The following PDE1C variants were observed in gnomAD, a reference collection of about 807,000 sequenced individuals.
PDE1C encodes dual specificity calcium/calmodulin-dependent 3',5'-cyclic nucleotide phosphodiesterase 1C.
PDE1C carries 62 observed loss-of-function variants against 93.1 expected under a neutral mutation model. The observed-to-expected ratio is 0.67, with a 90% CI of 0.54 to 0.82. PDE1C has a LOEUF of 0.82. Ranked by LOEUF, PDE1C falls within the 40% of genes least tolerant of loss-of-function variation. The probability of loss-of-function intolerance (pLI) is 0.00; values close to 1 mark genes in which losing one functional copy is unlikely to be tolerated. For missense variants in PDE1C, 742 were observed against 884.6 expected, an observed-to-expected ratio of 0.84 and a Z score of 2.04; for synonymous variants, 325 against 310.1, an observed-to-expected ratio of 1.05 and a Z score of -0.50.
the PDE1C span, among the ~76,000 whole-genome samples, chr7:31,692,039 G>GA: frequency 6.6e-6 from 1 of 152,054 alleles, no homozygotes; most frequent in South Asian, 2.1e-4. Context: ...GAACTCAACA[G>GA]AAAAAACATA....
intron 16 of PDE1C, chr7:31,786,068 T>C (rs1783900710): frequency 6.6e-6 from 1 of 152,248 alleles, no homozygotes; most frequent in South Asian, 2.1e-4. Context: ...AACTTTGCCA[T>C]GGTTTGGTGC....
chr7:31,630,931 TAGGATG>T, the PDE1C span, among the ~76,000 whole-genome samples: 1 of 152,026 alleles, frequency 6.6e-6, no homozygotes, highest in African/African-American at 2.4e-5. Context: ...AGACCAAAGC[TAGGATG>T]AGAGGTAGAA....
chr7:32,394,724 G>A (rs1784811254), intron 1 of PDE1C, among the ~76,000 whole-genome samples: 1 of 152,186 alleles, frequency 6.6e-6, no homozygotes, highest in Non-Finnish European at 1.5e-5. Flanking sequence ...GGAGGTGGAA[G>A]GATAGCTTGA....
At chr7:32,170,048 G>A (rs1345634078) in intron 2 of PDE1C, 1 of 1,127,734 alleles carries the variant, frequency 8.9e-7, no homozygotes, top group East Asian at 2.4e-5. Flanking sequence ...CCAAAGCAGA[G>A]CAGGGAAATT....
rs142968129 is a variant in PDE1C at position 31,809,001 on chromosome 7, G to A, written c.1891+30C>T. On this transcript the variant is annotated intron_variant, in intron 16 of 17. Coordinates refer to ENST00000396191, the MANE Select transcript of PDE1C (RefSeq NM_001191057.4). ...GCTTACATTAAACTGCACATTTTAT[G>A]GAAAAATGTAATGAGAATAATACTC... The A allele has an allele frequency of 3.1e-6, 4 of 1,293,884 alleles. No homozygotes were observed. The African/African-American group carries it at 5.8e-5, about 19-fold the overall frequency. 80.2% of individuals were successfully genotyped at this position (1,293,884 alleles called of 1,614,324 possible).
At chr7:31,720,287 C>G in the PDE1C span, among the ~76,000 whole-genome samples, 1 of 152,074 alleles carries the variant, frequency 6.6e-6, no homozygotes, top group African/African-American at 2.4e-5. Context: ...TTACCGCCCC[C>G]CTCAACCACT....
At chr7:32,354,502 A>C (rs1295120220) in intron 1 of PDE1C, among the ~76,000 whole-genome samples, 4 of 152,184 alleles carry the variant, frequency 2.6e-5, no homozygotes, top group Admixed American at 1.3e-4. Flanking sequence ...ATGGTGATGC[A>C]TACCTGTACT....
intron 2 of PDE1C, among the ~76,000 whole-genome samples, chr7:31,981,348 T>A (rs1051257614): frequency 5.3e-5 from 8 of 152,196 alleles, no homozygotes; most frequent in Non-Finnish European, 8.8e-5. Flanking sequence ...TTTATAGAAT[T>A]TGAGGTTTGG....
chr7:31,738,202 C>T, the PDE1C span, among the ~76,000 whole-genome samples: 3 of 152,136 alleles, frequency 2.0e-5, no homozygotes, highest in Non-Finnish European at 4.4e-5. Context: ...TACATGAGCC[C>T]AATCTCAATG....
the PDE1C span, chr7:31,653,007 T>C: frequency 6.4e-6 from 9 of 1,417,304 alleles, no homozygotes; most frequent in Non-Finnish European, 8.3e-6. Flanking sequence ...ACTCATTCAG[T>C]ATAGAATAAC....
intron 3 of PDE1C, among the ~76,000 whole-genome samples, chr7:32,078,284 A>G (rs1796468270): frequency 1.3e-5 from 2 of 152,178 alleles, no homozygotes; most frequent in Non-Finnish European, 2.9e-5. Context: ...CAGAGCTTGG[A>G]CCAGAAGTGA....
intron 2 of PDE1C, among the ~76,000 whole-genome samples, chr7:32,001,809 C>T (rs1433856235): frequency 2.0e-5 from 3 of 152,180 alleles, no homozygotes; most frequent in Non-Finnish European, 4.4e-5. Context: ...CCTGTAATCC[C>T]AGCACTTTGG....
intron 1 of PDE1C, among the ~76,000 whole-genome samples, chr7:32,364,566 G>A (rs1445799650): frequency 1.3e-5 from 2 of 152,220 alleles, no homozygotes; most frequent in African/African-American, 4.8e-5. Context: ...CTTACTACCA[G>A]AGAATCCCAC....
At chr7:32,054,482 G>A (rs1793789264) in intron 1 of PDE1C, among the ~76,000 whole-genome samples, 1 of 152,120 alleles carries the variant, frequency 6.6e-6, no homozygotes, top group Non-Finnish European at 1.5e-5. Flanking sequence ...CCCTAGTTCT[G>A]AGCTTCTTGA....
chr7:31,734,007 G>GA, the PDE1C span, among the ~76,000 whole-genome samples: 45 of 150,728 alleles, frequency 3.0e-4, no homozygotes, highest in African/African-American at 9.3e-4. Flanking sequence ...CTGTTTCAAA[G>GA]AAAAAAAAAA....
chr7:31,947,375 C>T (rs955798887), intron 2 of PDE1C, among the ~76,000 whole-genome samples: 1 of 152,150 alleles, frequency 6.6e-6, no homozygotes, highest in East Asian at 1.9e-4. Context: ...GGTACTCTAG[C>T]CTAGACAAGT....
chr7:32,123,212 A>C (rs990307760), intron 3 of PDE1C, among the ~76,000 whole-genome samples: 1 of 152,160 alleles, frequency 6.6e-6, no homozygotes, highest in Non-Finnish European at 1.5e-5. Context: ...AAATTGAGGG[A>C]GTCATTAATA....
the PDE1C span, among the ~76,000 whole-genome samples, chr7:31,738,124 G>A: frequency 1.3e-5 from 2 of 152,084 alleles, no homozygotes; most frequent in Admixed American, 6.6e-5. Context: ...CTCCAGCCAC[G>A]CAGCCTAGCA....
intron 1 of PDE1C, among the ~76,000 whole-genome samples, chr7:32,058,138 A>G (rs1794351718): frequency 6.6e-6 from 1 of 152,214 alleles, no homozygotes; most frequent in South Asian, 2.1e-4. Flanking sequence ...CAACAACTGC[A>G]TACACACAAT....
Sources: allele counts gnomAD v4.1 joint callset (sites outside exome capture counted in the v4.1 genomes callset), GRCh38; gene constraint gnomAD v4.1.1; transcripts MANE v1.5; gene names NCBI Gene and HGNC (gene_info 2026-07-23, HGNC 2026-07-21).